PPP6R2: variants seen among roughly 807,000 people sequenced by gnomAD.
PPP6R2 encodes the protein serine/threonine-protein phosphatase 6 regulatory subunit 2.
Under a neutral mutation model 100.2 loss-of-function variants are expected in PPP6R2, and 62 were observed. That is an observed-to-expected ratio of 0.62 (90% CI 0.50 to 0.76). PPP6R2 has a LOEUF of 0.76. Among genes scored for constraint, PPP6R2 ranks in the 30% least tolerant of loss-of-function variants. PPP6R2 has a pLI of 0.00. For synonymous variants in PPP6R2, 525 were observed against 514.7 expected (o/e 1.02, Z -0.27); for missense variants, 1,142 against 1,276.3 (o/e 0.89, Z 1.60).
chr22:50,443,914 A>G lies in PPP6R2; in HGVS notation c.2628A>G (p.Pro876=). 1 of 1,598,922 alleles carries G rather than the reference A, an allele frequency of 6.3e-7. No homozygotes were observed. The part of the protein sequence containing the change: ...SRLLSPACPA[P]KEVTAAPAVA... ...TGTTAAGCCCTGCCTGCCCCGCGCC[A>G]AAGGAAGTGACTGCTGCCCCAGCCG... is the stretch of plus-strand genomic sequence containing the variant. Residue 876 remains proline, a synonymous_variant, in exon 23 of 24, where the codon CCA becomes CCG. Coordinates refer to ENST00000612753, the MANE Select transcript of PPP6R2 (RefSeq NM_001242898.2).
intron 3 of PPP6R2, among the ~76,000 whole-genome samples, chr22:50,397,901 C>CG (rs55943622): frequency 4.8e-5 from 2 of 41,556 alleles, no homozygotes; most frequent in Admixed American, 6.0e-4. Flanking sequence ...GGGATGGGGG[C>CG]GGGGGGGCCT....
chr22:50,414,628 A>G lies in PPP6R2; in HGVS notation c.491A>G (p.Asp164Gly). 6.2e-7 allele frequency: 1 copy of G among 1,613,476 alleles called. No individual in the cohort carries two copies. Among genetic ancestry groups the G allele is most frequent in the Non-Finnish European group, 8.5e-7 (1 of 1,179,928 alleles). ...LKHIGTSALM[D>G]LLLRLVSCVE... Reference sequence around the variant, plus strand: ...CACATCGGCACCTCAGCGCTTATGGACCTGCTGCTGCGCCTGGTCAGCTGT... The same window carrying G: ...CACATCGGCACCTCAGCGCTTATGGGCCTGCTGCTGCGCCTGGTCAGCTGT... Residue 164 changes from aspartate (D) to glycine (G), a missense_variant, in exon 5 of 24, where the codon GAC (aspartate) becomes GGC (glycine). Transcript: ENST00000612753.
chr22:50,357,276 TTG>T (rs1461131813), intron 1 of PPP6R2, among the ~76,000 whole-genome samples: 1 of 152,172 alleles, frequency 6.6e-6, no homozygotes, highest in Non-Finnish European at 1.5e-5. Context: ...TACAAGTCCT[TTG>T]TGGTGTGTGC....
intron 2 of PPP6R2, among the ~76,000 whole-genome samples, chr22:50,391,117 A>AGT (rs1460841686): frequency 6.6e-6 from 1 of 151,476 alleles, no homozygotes; most frequent in Non-Finnish European, 1.5e-5. Flanking sequence ...TGGGCAACAT[A>AGT]GTGAGACCCC....
intron 1 of PPP6R2, among the ~76,000 whole-genome samples, chr22:50,351,018 T>C (rs1223980859): frequency 7.5e-6 from 1 of 133,018 alleles, no homozygotes; most frequent in Non-Finnish European, 1.5e-5. Context: ...GCAGTAGGTC[T>C]CAACAGTGTT....
At chr22:50,375,975 G>C (rs1267688389) in intron 2 of PPP6R2, among the ~76,000 whole-genome samples, 1 of 151,242 alleles carries the variant, frequency 6.6e-6, no homozygotes, top group African/African-American at 2.4e-5. Flanking sequence ...CAAGTAGCTG[G>C]GACTATAGGC....
intron 16 of PPP6R2, 34 bp from the exon 17 acceptor site, chr22:50,437,809 A>T: frequency 6.4e-7 from 1 of 1,550,558 alleles, no homozygotes; most frequent in Non-Finnish European, 8.7e-7. Flanking sequence ...GTGGGCCTGG[A>T]GGAACGCTGA....
At chr22:50,350,517 C>G (rs1482722440) in intron 1 of PPP6R2, among the ~76,000 whole-genome samples, 2 of 151,332 alleles carry the variant, frequency 1.3e-5, no homozygotes, top group Admixed American at 6.6e-5. Flanking sequence ...CAGGCATGAA[C>G]CACTGCGACC....
chr22:50,400,641 A>G (rs1046283831), intron 3 of PPP6R2, among the ~76,000 whole-genome samples: 1 of 152,244 alleles, frequency 6.6e-6, no homozygotes, highest in African/African-American at 2.4e-5. Flanking sequence ...AGCATCATTG[A>G]GCCAAGAGAG....
chr22:50,395,885 T>G (rs1393888059), intron 3 of PPP6R2, among the ~76,000 whole-genome samples: 3 of 151,022 alleles, frequency 2.0e-5, no homozygotes, highest in Non-Finnish European at 4.4e-5. Flanking sequence ...CTTTACCTGT[T>G]TAAATGGTTG....
chr22:50,391,925 T>C (rs2055658305), intron 2 of PPP6R2: 1 of 148,566 alleles, frequency 6.7e-6, no homozygotes, highest in Admixed American at 6.8e-5. Context: ...GTAACTGCCC[T>C]ATCTTGCAAG....
At chr22:50,373,224 T>A (rs1365097054) in intron 2 of PPP6R2, among the ~76,000 whole-genome samples, 2 of 149,960 alleles carry the variant, frequency 1.3e-5, no homozygotes, top group Non-Finnish European at 3.0e-5. Context: ...TAAATTAGAA[T>A]AAATATAATT....
chr22:50,355,520 C>T (rs1432137525), intron 1 of PPP6R2, among the ~76,000 whole-genome samples: 1 of 146,920 alleles, frequency 6.8e-6, no homozygotes, highest in Non-Finnish European at 1.5e-5. Flanking sequence ...TGAGCCACTG[C>T]GCCCGGCCTT....
intron 1 of PPP6R2, among the ~76,000 whole-genome samples, chr22:50,357,976 C>T (rs113698185): frequency 3.9e-5 from 6 of 151,984 alleles, no homozygotes; most frequent in East Asian, 1.9e-4. Flanking sequence ...TCTTGAGACA[C>T]GGTCTCGCTT....
chr22:50,386,781 C>G (rs2054339066), intron 2 of PPP6R2, among the ~76,000 whole-genome samples: 1 of 152,078 alleles, frequency 6.6e-6, no homozygotes, highest in Non-Finnish European at 1.5e-5. Flanking sequence ...ACCCATTTAC[C>G]CAGAGTTTAG....
chr22:50,347,224 G>A (rs554948764), intron 1 of PPP6R2, among the ~76,000 whole-genome samples: 3 of 151,644 alleles, frequency 2.0e-5, no homozygotes, highest in Non-Finnish European at 2.9e-5. Context: ...ATCTGTTAGG[G>A]ACCCATTAGT....
chr22:50,435,943 A>T (rs543066115), intron 13 of PPP6R2, among the ~76,000 whole-genome samples: 2 of 152,212 alleles, frequency 1.3e-5, no homozygotes, highest in Non-Finnish European at 2.9e-5. Flanking sequence ...CAGGCAGGAC[A>T]CGCGCCCAGG....
intron 1 of PPP6R2, among the ~76,000 whole-genome samples, chr22:50,367,239 C>T (rs1291543220): frequency 6.6e-6 from 1 of 151,962 alleles, no homozygotes; most frequent in African/African-American, 2.4e-5. Context: ...GTGGCTTTCT[C>T]CCGGGTAGGC....
At chr22:50,371,498 TAAAAAAGAAAA>T (rs2050195233) in intron 1 of PPP6R2, among the ~76,000 whole-genome samples, 1 of 151,126 alleles carries the variant, frequency 6.6e-6, no homozygotes, top group Non-Finnish European at 1.5e-5. Flanking sequence ...CCCATCTCTT[TAAAAAAGAAAA>T]AAAAAAGAAA....
Sources: allele counts gnomAD v4.1 joint callset (sites outside exome capture counted in the v4.1 genomes callset), GRCh38; gene constraint gnomAD v4.1.1; transcripts MANE v1.5; gene names NCBI Gene and HGNC (gene_info 2026-07-23, HGNC 2026-07-21).